Variants in PLS1 observed in about 807,000 individuals in gnomAD.
PLS1 encodes plastin-1.
In PLS1, 32 loss-of-function variants were observed where a neutral mutation model predicts 73.7. That is an observed-to-expected ratio of 0.43 (90% confidence interval 0.33 to 0.58). PLS1 has a LOEUF of 0.58. Among genes scored for constraint, PLS1 ranks in the 20% least tolerant of loss-of-function variants. PLS1 has a pLI of 0.04. For synonymous variants in PLS1, 217 were observed against 261.3 expected (o/e 0.83, Z 1.63); for missense variants, 633 against 740.5 (o/e 0.85, Z 1.68).
intron 1 of PLS1, among the ~76,000 whole-genome samples, chr3:142,643,610 G>A (rs892664352): frequency 1.6e-4 from 25 of 152,210 alleles, no homozygotes; most frequent in African/African-American, 5.8e-4. Flanking sequence ...ATAAGTTCTG[G>A]GGTCCTAGTA....
At chr3:142,687,711 G>A (rs1474965942) in intron 9 of PLS1, among the ~76,000 whole-genome samples, 1 of 151,810 alleles carries the variant, frequency 6.6e-6, no homozygotes, top group Non-Finnish European at 1.5e-5. Flanking sequence ...TTATTTTGAA[G>A]CAAATCCTAG....
intron 1 of PLS1, chr3:142,657,044 G>C (rs914791056): frequency 1.3e-5 from 2 of 152,228 alleles, no homozygotes; most frequent in Non-Finnish European, 2.9e-5. Flanking sequence ...CAGGCACCTG[G>C]AATCTGCTCC....
chr3:142,628,378 ACATGTGCATGCAGTGTGCATG>A (rs1322928572), intron 1 of PLS1, among the ~76,000 whole-genome samples: 1 of 136,686 alleles, frequency 7.3e-6, no homozygotes, highest in Middle Eastern at 3.5e-3. Context: ...GTGTGCGCGC[ACATGTGCATGCAGTGTGCATG>A]TGTGCATGCA....
chr3:142,626,480 A>C (rs1389138699), intron 1 of PLS1, among the ~76,000 whole-genome samples: 3 of 152,226 alleles, frequency 2.0e-5, no homozygotes, highest in South Asian at 2.1e-4. Context: ...AAATGAAAAA[A>C]AGATAAAATA....
intron 1 of PLS1, among the ~76,000 whole-genome samples, chr3:142,634,855 T>G (rs1216481380): frequency 6.6e-6 from 1 of 151,694 alleles, no homozygotes; most frequent in Non-Finnish European, 1.5e-5. Context: ...CCAGTTGTTT[T>G]AAATAAAAAT....
At position 142,669,563 on chromosome 3, in the gene PLS1, C is replaced by T; in HGVS notation, c.234+10C>T. ...TGAAGAGTTTGTGTCAGTAAGTAAT[C>T]TAATCCTTTCGGGCTACTGATAATC... On this transcript the variant is annotated intron_variant, in intron 3 of 15. Coordinates refer to ENST00000457734, the MANE Select transcript of PLS1 (RefSeq NM_001145319.2). 3 of 1,600,936 alleles carry T rather than the reference C, an allele frequency of 1.9e-6. No homozygotes were observed. Among genetic ancestry groups the T allele is most frequent in the Non-Finnish European group, 2.6e-6 (3 of 1,170,344 alleles).
chr3:142,630,015 C>T (rs906574551), intron 1 of PLS1, among the ~76,000 whole-genome samples: 1 of 152,146 alleles, frequency 6.6e-6, no homozygotes, highest in Non-Finnish European at 1.5e-5. Context: ...CCTAATGAAG[C>T]TTAAAAGCAA....
chr3:142,633,285 G>C (rs1276845741), intron 1 of PLS1, among the ~76,000 whole-genome samples: 1 of 152,162 alleles, frequency 6.6e-6, no homozygotes. Context: ...AGATGACAAA[G>C]TTATAGAGAA....
intron 1 of PLS1, among the ~76,000 whole-genome samples, chr3:142,644,810 A>C (rs959681155): frequency 1.4e-4 from 21 of 152,358 alleles, no homozygotes; most frequent in Non-Finnish European, 2.5e-4. Context: ...TGGAAAGTAT[A>C]AAATGCTTGA....
chr3:142,659,883 C>T (rs924137478), intron 1 of PLS1, among the ~76,000 whole-genome samples: 10 of 152,008 alleles, frequency 6.6e-5, no homozygotes, highest in East Asian at 3.9e-4. Context: ...ACTTTAAGCA[C>T]GAATCATTTT....
intron 11 of PLS1, among the ~76,000 whole-genome samples, chr3:142,697,685 C>T (rs1224746447): frequency 6.6e-6 from 1 of 152,156 alleles, no homozygotes; most frequent in East Asian, 1.9e-4. Flanking sequence ...TTAACAGCTC[C>T]CTACTGCCAG....
chr3:142,652,432 A>C (rs959514866), intron 1 of PLS1, among the ~76,000 whole-genome samples: 2 of 152,202 alleles, frequency 1.3e-5, no homozygotes, highest in African/African-American at 4.8e-5. Context: ...CCAGCTAAGA[A>C]AACTTACTAA....
intron 1 of PLS1, among the ~76,000 whole-genome samples, chr3:142,621,073 C>T (rs947663103): frequency 6.6e-6 from 1 of 152,084 alleles, no homozygotes; most frequent in African/African-American, 2.4e-5. Flanking sequence ...ACACTTGGCC[C>T]TGATCAGTGG....
chr3:142,670,357 T>C (rs1345044308), intron 3 of PLS1, among the ~76,000 whole-genome samples: 2 of 152,188 alleles, frequency 1.3e-5, no homozygotes, highest in Non-Finnish European at 2.9e-5. Context: ...GGAATGTAGC[T>C]GGAGAAGTAA....
chr3:142,644,376 G>T (rs1055397186), intron 1 of PLS1, among the ~76,000 whole-genome samples: 4 of 151,924 alleles, frequency 2.6e-5, no homozygotes, highest in African/African-American at 7.3e-5. Flanking sequence ...TCAGCCTCCT[G>T]AGTAACTAAG....
At chr3:142,616,027 T>C (rs144272210) in intron 1 of PLS1, among the ~76,000 whole-genome samples, 44 of 152,344 alleles carry the variant, frequency 2.9e-4, no homozygotes, top group Non-Finnish European at 5.0e-4. Flanking sequence ...CTGAGAACTA[T>C]TGCAGTAGAG....
chr3:142,598,853 T>C (rs1560023288), intron 1 of PLS1, among the ~76,000 whole-genome samples: 1 of 151,510 alleles, frequency 6.6e-6, no homozygotes, highest in Non-Finnish European at 1.5e-5. Context: ...AAAAATTAGC[T>C]GGGGGGGCAT....
chr3:142,678,243 T>A (rs989852744), intron 6 of PLS1, 130 bp downstream of exon 6: 2 of 362,382 alleles, frequency 5.5e-6, no homozygotes, highest in Non-Finnish European at 1.0e-5. Flanking sequence ...AAAACTTTTT[T>A]TTTTGGAATC....
intron 1 of PLS1, among the ~76,000 whole-genome samples, chr3:142,649,479 A>T (rs2037035732): frequency 6.6e-6 from 1 of 152,010 alleles, no homozygotes; most frequent in South Asian, 2.1e-4. Flanking sequence ...TCTACTAAAA[A>T]TACAAAAAAT....
Sources: allele counts gnomAD v4.1 joint callset (sites outside exome capture counted in the v4.1 genomes callset), GRCh38; gene constraint gnomAD v4.1.1; transcripts MANE v1.5; gene names NCBI Gene and HGNC (gene_info 2026-07-23, HGNC 2026-07-21).